Variants in KLF12 observed in about 807,000 individuals in gnomAD.
KLF12 encodes the protein Krueppel-like factor 12.
A neutral mutation model predicts 37.8 loss-of-function variants in KLF12; 9 were observed. That is an observed-to-expected ratio of 0.24 (90% CI 0.14 to 0.42). KLF12 has a LOEUF of 0.42. Among genes scored for constraint, KLF12 ranks in the 10% least tolerant of loss-of-function variants. KLF12 has a pLI of 1.00. For missense variants in KLF12, 411 were observed against 516.0 expected, an observed-to-expected ratio of 0.80 and a Z score of 1.97; for synonymous variants, 208 against 202.1, an observed-to-expected ratio of 1.03 and a Z score of -0.25.
the KLF12 span, among the ~76,000 whole-genome samples, chr13:74,167,877 T>C: frequency 6.6e-6 from 1 of 152,204 alleles, no homozygotes; most frequent in African/African-American, 2.4e-5. Context: ...TATAAAAGTA[T>C]ACATTAAAGA....
chr13:74,051,872 G>C (rs975890831), intron 1 of KLF12, among the ~76,000 whole-genome samples: 1 of 152,166 alleles, frequency 6.6e-6, no homozygotes, highest in African/African-American at 2.4e-5. Context: ...AAAACAGCTA[G>C]AGGAATGCAT....
intron 1 of KLF12, among the ~76,000 whole-genome samples, chr13:74,021,558 G>A (rs1892842269): frequency 6.6e-6 from 1 of 152,122 alleles, no homozygotes; most frequent in African/African-American, 2.4e-5. Flanking sequence ...GCTAGTACAG[G>A]CATGGGAGAG....
At chr13:74,219,698 T>C in the KLF12 span, among the ~76,000 whole-genome samples, 1 of 152,238 alleles carries the variant, frequency 6.6e-6, no homozygotes, top group Admixed American at 6.5e-5. Context: ...TCAAACTTAT[T>C]CTTGAATGGT....
the KLF12 span, among the ~76,000 whole-genome samples, chr13:74,228,918 G>A: frequency 6.6e-6 from 1 of 151,174 alleles, no homozygotes; most frequent in South Asian, 2.1e-4. Flanking sequence ...ATCAAACACT[G>A]CTGCTCCAAG....
chr13:73,880,853 G>A (rs1886946067), intron 3 of KLF12, among the ~76,000 whole-genome samples: 1 of 152,020 alleles, frequency 6.6e-6, no homozygotes, highest in Non-Finnish European at 1.5e-5. Flanking sequence ...ACTTTGACCT[G>A]CTTAAAGAAA....
intron 2 of KLF12, among the ~76,000 whole-genome samples, chr13:73,987,860 A>T (rs1891867469): frequency 6.6e-6 from 1 of 150,924 alleles, no homozygotes; most frequent in African/African-American, 2.4e-5. Flanking sequence ...AGGAAAGAGG[A>T]ACTGCAGGGA....
chr13:73,794,319 G>T (rs1881845554), intron 5 of KLF12, among the ~76,000 whole-genome samples: 1 of 152,198 alleles, frequency 6.6e-6, no homozygotes, highest in African/African-American at 2.4e-5. Flanking sequence ...AAATTAGCCA[G>T]GCGTGATGGT....
chr13:73,883,662 T>C (rs895017591), intron 3 of KLF12, among the ~76,000 whole-genome samples: 16 of 152,194 alleles, frequency 1.1e-4, no homozygotes, highest in Non-Finnish European at 2.1e-4. Flanking sequence ...AAAGCAAAGA[T>C]ACATCCATCT....
intron 1 of KLF12, among the ~76,000 whole-genome samples, chr13:74,121,550 T>C (rs2138981306): frequency 6.6e-6 from 1 of 152,156 alleles, no homozygotes; most frequent in South Asian, 2.1e-4. Flanking sequence ...CAATGCATAT[T>C]TTTGAAATAT....
chr13:73,909,481 T>C (rs1273648457), intron 3 of KLF12, among the ~76,000 whole-genome samples: 1 of 152,242 alleles, frequency 6.6e-6, no homozygotes, highest in Non-Finnish European at 1.5e-5. Flanking sequence ...TGTTCCTCTG[T>C]GGACTAAATG....
chr13:74,134,189 G>C (rs995844905), upstream of KLF12, among the ~76,000 whole-genome samples: 6 of 151,920 alleles, frequency 3.9e-5, no homozygotes, highest in Admixed American at 1.3e-4. Context: ...TGCTGTGAGG[G>C]GGGGGGCCGA....
chr13:74,066,897 A>C (rs1873951763), intron 1 of KLF12, among the ~76,000 whole-genome samples: 1 of 152,214 alleles, frequency 6.6e-6, no homozygotes, highest in Admixed American at 6.5e-5. Flanking sequence ...AGCTTTAAGC[A>C]AATAAACAAT....
At chr13:74,133,952 T>G (rs541302187), upstream of KLF12, among the ~76,000 whole-genome samples, 8 of 152,140 alleles carry the variant, frequency 5.3e-5, no homozygotes, top group East Asian at 1.6e-3. Flanking sequence ...GGGGAACTGT[T>G]GTACTTGCAA....
intron 4 of KLF12, among the ~76,000 whole-genome samples, chr13:73,820,142 G>T (rs1042032252): frequency 1.3e-5 from 2 of 152,156 alleles, no homozygotes; most frequent in Admixed American, 6.5e-5. Flanking sequence ...GGATCCCTCT[G>T]GCTATCTCTG....
At chr13:74,210,527 C>T in the KLF12 span, among the ~76,000 whole-genome samples, 1 of 152,150 alleles carries the variant, frequency 6.6e-6, no homozygotes, top group Non-Finnish European at 1.5e-5. Context: ...CTCAGTCAAA[C>T]TGTTTTTAAT....
rs75539438 is a variant in KLF12 at position 73,884,839 on chromosome 13, C to T, written c.124-38466G>A. ...GGTCGAGGCCATCTTGATTGCCAAT[C>T]CATTATTCACTTCTTTGTTTTCATC... On this transcript the variant is annotated intron_variant, in intron 3 of 7. Coordinates refer to ENST00000377669, the MANE Select transcript of KLF12 (RefSeq NM_007249.5). Among the ~76,000 whole-genome samples, 641 of 152,320 alleles carry T rather than the reference C, an allele frequency of 4.2e-3. 3 individuals carry two copies. The highest frequency in any genetic ancestry group is 0.015 in the African/African-American group (610 of 41,580).
chr13:74,138,873 A>G (rs1323914252), upstream of KLF12, among the ~76,000 whole-genome samples: 1 of 152,098 alleles, frequency 6.6e-6, no homozygotes, highest in Non-Finnish European at 1.5e-5. Flanking sequence ...TTCATACCTC[A>G]TACTTTCCCC....
the KLF12 span, among the ~76,000 whole-genome samples, chr13:74,160,256 C>T: frequency 6.6e-6 from 1 of 152,110 alleles, no homozygotes; most frequent in Non-Finnish European, 1.5e-5. Flanking sequence ...TTCCCATGTT[C>T]TGTGTACTGA....
chr13:74,111,854 C>T (rs1876991678), intron 1 of KLF12, among the ~76,000 whole-genome samples: 1 of 152,000 alleles, frequency 6.6e-6, no homozygotes, highest in Non-Finnish European at 1.5e-5. Context: ...TTAAAAGTTC[C>T]ACTTATAAAA....
Sources: allele counts gnomAD v4.1 joint callset (sites outside exome capture counted in the v4.1 genomes callset), GRCh38; gene constraint gnomAD v4.1.1; transcripts MANE v1.5; gene names NCBI Gene and HGNC (gene_info 2026-07-23, HGNC 2026-07-21).